The following ROBO2 variants were observed in gnomAD, a reference collection of about 807,000 sequenced individuals.
ROBO2 encodes roundabout homolog 2.
ROBO2 carries 53 observed loss-of-function variants against 160.8 expected under a neutral mutation model. The ratio of observed to expected loss-of-function variants is 0.33; its 90% confidence interval spans 0.26 to 0.41. The LOEUF is 0.41. ROBO2 is among the 10% of genes least tolerant of loss of function. The pLI, the probability that ROBO2 is intolerant of heterozygous loss-of-function variation, is 1.00. For synonymous variants in ROBO2, 664 were observed against 611.7 expected, an observed-to-expected ratio of 1.09 and a Z score of -1.26; for missense variants, 1,577 against 1,722.4, an observed-to-expected ratio of 0.92 and a Z score of 1.49.
At chr3:77,023,117 CA>C (rs900080984) in intron 2 of ROBO2, among the ~76,000 whole-genome samples, 2 of 152,104 alleles carry the variant, frequency 1.3e-5, no homozygotes, top group African/African-American at 4.8e-5. Context: ...GGGAGGGACC[CA>C]GGGGGAGGTA....
At chr3:77,531,585 A>G (rs2091733107) in intron 6 of ROBO2, among the ~76,000 whole-genome samples, 1 of 151,992 alleles carries the variant, frequency 6.6e-6, no homozygotes, top group East Asian at 1.9e-4. Context: ...AGCATGAATT[A>G]TAAATCTGAC....
chr3:75,958,039 G>A (rs1210941791), intron 2 of ROBO2, among the ~76,000 whole-genome samples: 12 of 151,804 alleles, frequency 7.9e-5, no homozygotes, highest in South Asian at 4.1e-4. Context: ...AGAAAAACAC[G>A]TATAAATGGT....
intron 2 of ROBO2, among the ~76,000 whole-genome samples, chr3:76,570,985 A>G (rs2084919259): frequency 6.6e-6 from 1 of 152,160 alleles, no homozygotes; most frequent in South Asian, 2.1e-4. Flanking sequence ...ATGTTCTAAA[A>G]CTTATGTAAT....
intron 2 of ROBO2, among the ~76,000 whole-genome samples, chr3:77,372,980 T>C (rs554229608): frequency 2.0e-5 from 3 of 151,596 alleles, no homozygotes; most frequent in East Asian, 1.9e-4. Flanking sequence ...TGGGTGGAGA[T>C]GGCTGGTACA....
At chr3:76,763,296 A>T (rs1052898762) in intron 2 of ROBO2, among the ~76,000 whole-genome samples, 6 of 151,766 alleles carry the variant, frequency 4.0e-5, no homozygotes, top group African/African-American at 1.4e-4. Flanking sequence ...TGTGAGGCTC[A>T]AAGTGAAATA....
intron 2 of ROBO2, among the ~76,000 whole-genome samples, chr3:77,346,526 A>C (rs1234227246): frequency 6.6e-6 from 1 of 152,128 alleles, no homozygotes; most frequent in Non-Finnish European, 1.5e-5. Flanking sequence ...AACCACACTC[A>C]TTTATTATTT....
intron 4 of ROBO2, among the ~76,000 whole-genome samples, chr3:77,490,315 T>C (rs1040826490): frequency 4.6e-4 from 70 of 151,808 alleles, no homozygotes; most frequent in Admixed American, 2.0e-4. Flanking sequence ...TGGTCTCGAT[T>C]TCCTGACCTC....
intron 2 of ROBO2, among the ~76,000 whole-genome samples, chr3:76,816,616 C>G (rs1399040448): frequency 6.6e-6 from 1 of 151,966 alleles, no homozygotes; most frequent in Non-Finnish European, 1.5e-5. Flanking sequence ...CTATTAAAAA[C>G]AACTCAGAGC....
chr3:76,488,590 C>T (rs1453621775), intron 2 of ROBO2, among the ~76,000 whole-genome samples: 1 of 152,116 alleles, frequency 6.6e-6, no homozygotes, highest in African/African-American at 2.4e-5. Flanking sequence ...ATTTAAAGGG[C>T]TCATGTGATA....
intron 2 of ROBO2, among the ~76,000 whole-genome samples, chr3:76,350,576 A>G (rs2074810294): frequency 6.6e-6 from 1 of 152,078 alleles, no homozygotes; most frequent in South Asian, 2.1e-4. Flanking sequence ...CAATATAAAT[A>G]CCAATGTTAA....
At chr3:75,988,840 T>C (rs970177032) in intron 2 of ROBO2, among the ~76,000 whole-genome samples, 24 of 152,000 alleles carry the variant, frequency 1.6e-4, no homozygotes, top group African/African-American at 5.6e-4. Flanking sequence ...CTGGAGAATA[T>C]ATTTTGTATG....
rs1304560959 is a variant in ROBO2 at position 77,108,297 on chromosome 3, TGC to T, written c.388+9958_388+9959del. On this transcript the variant is annotated intron_variant, in intron 2 of 25. Transcript: ENST00000461745. ...GCATATATATATATGTATACACATA[TGC>T]ATATATATATATGTATACACATATG... Among the ~76,000 whole-genome samples the T allele has an allele frequency of 6.1e-4, 78 of 128,198 alleles. 1 individual carries two copies. The highest frequency in any genetic ancestry group is 2.0e-3 in the African/African-American group (73 of 36,814). 84.1% of individuals were successfully genotyped at this position (128,198 alleles called of 152,430 possible). A position where few individuals can be genotyped will look rare whatever the true frequency, so the allele number is the denominator to read the frequency against.
chr3:77,635,602 A>T (rs1176993322), intron 24 of ROBO2, among the ~76,000 whole-genome samples: 2 of 152,210 alleles, frequency 1.3e-5, no homozygotes, highest in African/African-American at 4.8e-5. Context: ...CAGTGGTGCC[A>T]TAAGGATGTC....
chr3:77,041,443 G>A (rs1342381055), intron 1 of ROBO2, among the ~76,000 whole-genome samples: 2 of 152,194 alleles, frequency 1.3e-5, no homozygotes, highest in African/African-American at 4.8e-5. Context: ...GCTGGCCACA[G>A]GAGTAGAACA....
rs146316990 is a variant in ROBO2 at position 77,045,805 on chromosome 3, T to A, written c.61+4959T>A. Among the ~76,000 whole-genome samples, 18 of 152,374 alleles carry A rather than the reference T, an allele frequency of 1.2e-4. No individual in the cohort carries two copies. In the East Asian group the frequency reaches 3.1e-3, roughly 26 times the overall value. On this transcript the variant is annotated intron_variant, in intron 1 of 25. Coordinates refer to ENST00000461745, the Ensembl canonical transcript of ROBO2. ...CACCAACCACAAGAAATCACCACTC[T>A]ACTTCTGCCTCTGTGGATTTGTCTT...
chr3:77,237,411 TTGTGTGTGTG>T (rs71104662), intron 2 of ROBO2, among the ~76,000 whole-genome samples: 4 of 131,120 alleles, frequency 3.1e-5, no homozygotes, highest in South Asian at 2.6e-4. Context: ...TTGTTTTGTT[TTGTGTGTGTG>T]TGTGTGTGTG....
At chr3:76,263,476 A>G (rs1170554930) in intron 2 of ROBO2, among the ~76,000 whole-genome samples, 3 of 151,490 alleles carry the variant, frequency 2.0e-5, no homozygotes, top group Non-Finnish European at 4.4e-5. Context: ...TCCTGCCTTG[A>G]CCTCCCAAAG....
intron 15 of ROBO2, among the ~76,000 whole-genome samples, chr3:77,578,455 C>G (rs2093826031): frequency 6.6e-6 from 1 of 151,886 alleles, no homozygotes; most frequent in Non-Finnish European, 1.5e-5. Flanking sequence ...AAACTAGACA[C>G]CCATTTCACC....
intron 2 of ROBO2, among the ~76,000 whole-genome samples, chr3:76,037,690 C>A (rs997940543): frequency 6.6e-6 from 1 of 151,772 alleles, no homozygotes; most frequent in Admixed American, 6.6e-5. Context: ...TTCCCCTGCC[C>A]CCTTGAAACT....
Sources: allele counts gnomAD v4.1 joint callset (sites outside exome capture counted in the v4.1 genomes callset), GRCh38; gene constraint gnomAD v4.1.1; transcripts MANE v1.5; gene names NCBI Gene and HGNC (gene_info 2026-07-23, HGNC 2026-07-21).